The following MRPS27 variants were observed in gnomAD, a reference collection of about 807,000 sequenced individuals.
MRPS27 encodes small ribosomal subunit protein mS27.
Under a neutral mutation model 48.9 loss-of-function variants are expected in MRPS27, and 43 were observed. That is an observed-to-expected ratio of 0.88 (90% CI 0.69 to 1.13). The LOEUF is 1.13. MRPS27 is among the 50% of genes most tolerant of loss of function. The pLI is 0.00. For synonymous variants in MRPS27, 188 were observed against 171.9 expected (o/e 1.09, Z -0.73); for missense variants, 467 against 476.3 (o/e 0.98, Z 0.18).
At chr5:72,314,227 A>G (rs990607577) in intron 1 of MRPS27, 69 bp from the exon 2 acceptor site, 12 of 1,113,018 alleles carry the variant, frequency 1.1e-5, no homozygotes, top group Non-Finnish European at 1.5e-5. Context: ...GTTTTATTAA[A>G]TATATCTTCA....
intron 2 of MRPS27, among the ~76,000 whole-genome samples, chr5:72,304,964 T>A (rs1480330207): frequency 6.6e-6 from 1 of 152,200 alleles, no homozygotes; most frequent in Non-Finnish European, 1.5e-5. Context: ...AGAACTGATC[T>A]TGAAAAATAC....
chr5:72,316,653 C>A (rs1365068518), intron 1 of MRPS27, among the ~76,000 whole-genome samples: 2 of 150,736 alleles, frequency 1.3e-5, no homozygotes, highest in African/African-American at 4.9e-5. Flanking sequence ...CAGGCGTGAG[C>A]CACCATGCCT....
At chr5:72,295,185 C>G (rs1367915426) in intron 4 of MRPS27, 1 of 161,482 alleles carries the variant, frequency 6.2e-6, no homozygotes, top group Admixed American at 6.4e-5. Flanking sequence ...AAAACTTCAA[C>G]AGAAAGCAAT....
chr5:72,263,275 A>T (rs1749029938), intron 4 of MRPS27, among the ~76,000 whole-genome samples: 1 of 152,138 alleles, frequency 6.6e-6, no homozygotes, highest in Non-Finnish European at 1.5e-5. Flanking sequence ...TAGTAGTAAC[A>T]TGAACTCAAA....
At position 72,234,296 on chromosome 5, in the gene MRPS27, T is replaced by C. The variant is rs1026566890; in HGVS notation, c.397-99A>G. The C allele has an allele frequency of 4.9e-6, 5 of 1,023,072 alleles. No homozygotes were observed. In the Admixed American group the frequency reaches 2.3e-4, roughly 47 times the overall value. 63.4% of individuals were successfully genotyped at this position (1,023,072 alleles called of 1,614,324 possible). On this transcript the variant is annotated intron_variant, in intron 5 of 10. Transcript: ENST00000261413. ...TTATTCAGAATAAAACTTGCCACCA[T>C]TAGCTTTAAAATATTTGACTATCAT...
chr5:72,282,615 T>C lies in MRPS27; in HGVS notation c.281+12916A>G, dbSNP rs1045115634. On this transcript the variant is annotated intron_variant, in intron 4 of 10. Transcript: ENST00000261413. ...AGGAGTTTAAGGTTTAATTTACAAA[T>C]GGTTCTGTAGCTATTAGAACAGATT... Among the ~76,000 whole-genome samples the C allele has an allele frequency of 3.3e-5, 5 of 152,198 alleles. 1 individual carries two copies. The highest frequency in any genetic ancestry group is 5.9e-5 in the Non-Finnish European group (4 of 68,012).
At chr5:72,283,218 A>G (rs115797302) in intron 4 of MRPS27, among the ~76,000 whole-genome samples, 3,246 of 151,898 alleles carry the variant, frequency 0.021, 126 homozygotes, top group African/African-American at 0.074. Flanking sequence ...TCCCATCCTG[A>G]CTCCTTCAGG....
chr5:72,271,412 A>T (rs1749238111), intron 4 of MRPS27, among the ~76,000 whole-genome samples: 1 of 152,238 alleles, frequency 6.6e-6, no homozygotes, highest in African/African-American at 2.4e-5. Context: ...ATTTAACAAG[A>T]CTTGCAAATG....
At chr5:72,224,029 A>G (rs2111931934) in intron 9 of MRPS27, among the ~76,000 whole-genome samples, 179 bp from the exon 10 acceptor site, 1 of 152,290 alleles carries the variant, frequency 6.6e-6, no homozygotes, top group South Asian at 2.1e-4. Context: ...TAAACACCCT[A>G]TCAGATGGCG....
At chr5:72,283,260 C>G (rs1282702695) in intron 4 of MRPS27, among the ~76,000 whole-genome samples, 2 of 152,166 alleles carry the variant, frequency 1.3e-5, no homozygotes, top group Non-Finnish European at 2.9e-5. Context: ...CAAGATAATA[C>G]ATTTTCATTG....
At chr5:72,265,617 T>C (rs891311976) in intron 4 of MRPS27, among the ~76,000 whole-genome samples, 2 of 152,198 alleles carry the variant, frequency 1.3e-5, no homozygotes, top group African/African-American at 4.8e-5. Context: ...GGGAGCGTTC[T>C]TTACTAACTT....
intron 2 of MRPS27, among the ~76,000 whole-genome samples, chr5:72,298,352 T>C (rs1342139748): frequency 6.6e-6 from 1 of 152,130 alleles, no homozygotes; most frequent in Non-Finnish European, 1.5e-5. Context: ...CCAGTCAGAA[T>C]GGCTATTATT....
At chr5:72,273,861 A>T (rs779438889) in intron 4 of MRPS27, among the ~76,000 whole-genome samples, 7 of 152,244 alleles carry the variant, frequency 4.6e-5, no homozygotes, top group Non-Finnish European at 1.0e-4. Context: ...CTAATAAATT[A>T]ACCTTAGCTT....
Position 72,278,584 on chromosome 5 carries a change from G to A in MRPS27, c.281+16947C>T, listed in dbSNP as rs1454171803. Among the ~76,000 whole-genome samples, 6 of 152,054 alleles carry A rather than the reference G, an allele frequency of 3.9e-5. No homozygotes were observed. The South Asian group carries it at 8.3e-4, about 21-fold the overall frequency. On this transcript the variant is annotated intron_variant, in intron 4 of 10. Coordinates refer to ENST00000261413, the MANE Select transcript of MRPS27 (RefSeq NM_015084.3). The stretch of plus-strand genomic sequence containing the variant: ...CCAACCCCATCCTGCTTCTTCATAG[G>A]TAGATAATACCTTGAATTTGTTGTT...
intron 10 of MRPS27, chr5:72,222,517 G>A (rs1747775659): frequency 6.6e-6 from 1 of 152,170 alleles, no homozygotes; most frequent in South Asian, 2.1e-4. Context: ...GCAGGCACAG[G>A]TTTCTATTCT....
At chr5:72,240,091 A>G (rs1192758760) in intron 4 of MRPS27, among the ~76,000 whole-genome samples, 4 of 152,184 alleles carry the variant, frequency 2.6e-5, no homozygotes, top group African/African-American at 9.7e-5. Flanking sequence ...TGACTTGCTC[A>G]ATACTGATTC....
chr5:72,260,502 G>T (rs1246841319), intron 4 of MRPS27, among the ~76,000 whole-genome samples: 1 of 152,062 alleles, frequency 6.6e-6, no homozygotes, highest in Non-Finnish European at 1.5e-5. Flanking sequence ...AGCTGCTACG[G>T]TCTAAGTCAA....
At chr5:72,264,977 A>T (rs1749073560) in intron 4 of MRPS27, among the ~76,000 whole-genome samples, 1 of 152,220 alleles carries the variant, frequency 6.6e-6, no homozygotes, top group African/African-American at 2.4e-5. Context: ...CCGTGAGGGG[A>T]GCTCAGATAT....
chr5:72,223,890 G>A, intron 9 of MRPS27, 40 bp from the exon 10 acceptor site: 2 of 1,600,442 alleles, frequency 1.2e-6, no homozygotes, highest in South Asian at 1.1e-5. Context: ...AATGTTTTAT[G>A]GCCCAAAAGC....
Sources: allele counts gnomAD v4.1 joint callset (sites outside exome capture counted in the v4.1 genomes callset), GRCh38; gene constraint gnomAD v4.1.1; transcripts MANE v1.5; gene names NCBI Gene and HGNC (gene_info 2026-07-23, HGNC 2026-07-21).